Variants in TECTB observed in about 807,000 individuals in gnomAD.
TECTB encodes the protein tectorin beta.
In TECTB, 45 loss-of-function variants were observed where a neutral mutation model predicts 43.3. The ratio of observed to expected loss-of-function variants is 1.04; its 90% CI spans 0.82 to 1.33. TECTB has a LOEUF of 1.33. Among genes scored for constraint, TECTB ranks in the 40% most tolerant of loss-of-function variants. The pLI, the probability that TECTB is intolerant of heterozygous loss-of-function variation, is 0.00. For missense variants in TECTB, 399 were observed against 404.7 expected (o/e 0.99, Z 0.12); for synonymous variants, 169 against 156.7 (o/e 1.08, Z -0.59).
intron 9 of TECTB, 93 bp from the exon 10 acceptor site, chr10:112,302,008 G>A (rs1848616265): frequency 2.0e-6 from 3 of 1,476,608 alleles, no homozygotes; most frequent in Non-Finnish European, 2.8e-6. Flanking sequence ...GCAGCCCCCA[G>A]CCAGGTTTTG....
intron 7 of TECTB, 148 bp downstream of exon 7, chr10:112,294,209 A>C: frequency 2.9e-6 from 2 of 681,338 alleles, no homozygotes; most frequent in East Asian, 2.7e-5. Context: ...GGCAAAGAAC[A>C]AATACTAAGA....
chr10:112,295,974 G>A (rs1848543194), intron 7 of TECTB, among the ~76,000 whole-genome samples: 1 of 152,180 alleles, frequency 6.6e-6, no homozygotes, highest in Admixed American at 6.5e-5. Context: ...GGACTCTGGG[G>A]AAACCCACGG....
Position 112,283,438 on chromosome 10 carries a change from G to A in TECTB, c.-146G>A, listed in dbSNP as rs569361526. On this transcript the variant is annotated 5_prime_UTR_variant, in exon 1 of 11. Coordinates refer to ENST00000646139, the MANE Select transcript of TECTB (RefSeq NM_058222.3). ...ATCCAGCAGCCAGCCTCTACAGTCC[G>A]GAGAGGATGAAACAGTCGGGAACAT... 9.2e-5 allele frequency: 34 copies of A among 369,096 alleles called. 1 individual carries two copies. Among genetic ancestry groups the A allele is most frequent in the East Asian group, 6.5e-4 (13 of 19,904 alleles). The allele number at this position is 369,096 out of a possible 1,614,324, so 22.9% of individuals were successfully genotyped here.
intron 5 of TECTB, among the ~76,000 whole-genome samples, chr10:112,292,009 A>G (rs1308849063): frequency 6.6e-6 from 1 of 151,962 alleles, no homozygotes; most frequent in Non-Finnish European, 1.5e-5. Flanking sequence ...GGTGGCAGGC[A>G]CCTGTAGTCG....
intron 1 of TECTB, 62 bp from the exon 2 acceptor site, chr10:112,283,586 G>A (rs1220882205): frequency 5.8e-6 from 4 of 684,140 alleles, no homozygotes; most frequent in African/African-American, 5.5e-5. Context: ...ATTTCCCCAA[G>A]ACTGTATGTG....
intron 2 of TECTB, 54 bp from the exon 3 acceptor site, chr10:112,284,481 T>C (rs1589635257): frequency 1.4e-6 from 2 of 1,471,296 alleles, no homozygotes; most frequent in East Asian, 2.5e-5. Flanking sequence ...GTTCGTTACG[T>C]AGGTTAGCAT....
intron 5 of TECTB, among the ~76,000 whole-genome samples, chr10:112,290,931 C>T (rs886112911): frequency 1.3e-5 from 2 of 152,134 alleles, no homozygotes; most frequent in Non-Finnish European, 2.9e-5. Context: ...GATTCTGAGT[C>T]GTCTCAACAA....
rs1848627433 is a variant in TECTB, at chr10:112,303,266, T to C, written c.944T>C (p.Val315Ala). 1.2e-6 allele frequency: 2 copies of C among 1,614,048 alleles called. No homozygotes were observed. Among genetic ancestry groups the C allele is most frequent in the African/African-American group, 1.3e-5 (1 of 74,914 alleles). Residue 315 changes from valine (V) to alanine (A), a missense_variant, in exon 11 of 11, where the codon GTT (valine) becomes GCT (alanine). Transcript: ENST00000646139. ...TCCCTCCCCTTCTGGTCCACAGATG[T>C]TCTCCACCACCTCATCATGATGTTG... ...GFSSLYSFSDVLHHLIMMLGI... is the reference protein window; with the variant it reads ...GFSSLYSFSDALHHLIMMLGI...
intron 7 of TECTB, 117 bp from the exon 8 acceptor site, chr10:112,297,952 C>A: frequency 7.3e-7 from 1 of 1,368,492 alleles, no homozygotes; most frequent in Non-Finnish European, 1.0e-6. Flanking sequence ...AATCAAAATG[C>A]CTGGGAAGGT....
At chr10:112,291,790 C>G (rs1811773984) in intron 5 of TECTB, among the ~76,000 whole-genome samples, 1 of 152,210 alleles carries the variant, frequency 6.6e-6, no homozygotes. Context: ...GCGGTGGAAG[C>G]TCGGGTTAGC....
chr10:112,292,382 T>A (rs537121141), intron 5 of TECTB, among the ~76,000 whole-genome samples: 1 of 152,188 alleles, frequency 6.6e-6, no homozygotes, highest in South Asian at 2.1e-4. Flanking sequence ...TGGTGTTGAC[T>A]CCTTGCTGCC....
At position 112,283,497 on chromosome 10, in the gene TECTB, G is replaced by A; in HGVS notation, c.-88+1G>A. On this transcript the variant is annotated splice_donor_variant, in intron 1 of 10. Transcript: ENST00000646139. LOFTEE classifies it low-confidence loss of function (5UTR_SPLICE). ...CCATGTGTCATTGACGCTTCCAACG[G>A]TATGAGCCCCACTTTTTGCCTCTCA... 1.9e-6 allele frequency: 1 copy of A among 534,848 alleles called. No homozygotes were observed. The highest frequency in any genetic ancestry group is 3.3e-6 in the Non-Finnish European group (1 of 301,774). 33.1% of individuals were successfully genotyped at this position (534,848 alleles called of 1,614,324 possible).
Position 112,286,044 on chromosome 10 carries a change from T to C in TECTB, c.268-27T>C, listed in dbSNP as rs748030223. On this transcript the variant is annotated intron_variant, in intron 3 of 10. Coordinates refer to ENST00000646139, the MANE Select transcript of TECTB (RefSeq NM_058222.3). ...TTCCCATCGCGGGGAAACAGATTCA[T>C]CCTGACTGTCTCCTTTCTTTGTCCA... 3.5e-5 allele frequency: 56 copies of C among 1,613,614 alleles called. 1 individual carries two copies. In the South Asian group the frequency reaches 6.0e-4, roughly 17 times the overall value.
At chr10:112,296,279 A>G (rs571481360) in intron 7 of TECTB, among the ~76,000 whole-genome samples, 1 of 152,288 alleles carries the variant, frequency 6.6e-6, no homozygotes, top group South Asian at 2.1e-4. Context: ...TCAAAGAGCA[A>G]TCTGACATGG....
intron 7 of TECTB, among the ~76,000 whole-genome samples, 158 bp downstream of exon 7, chr10:112,294,219 A>C (rs1003666843): frequency 1.3e-5 from 2 of 152,180 alleles, no homozygotes; most frequent in African/African-American, 2.4e-5. Context: ...AAATACTAAG[A>C]AACAGGACAT....
Position 112,304,870 on chromosome 10 carries a change from T to C in TECTB, c.*1558T>C, listed in dbSNP as rs1848639964. On this transcript the variant is annotated 3_prime_UTR_variant, in exon 11 of 11. Coordinates refer to ENST00000646139, the MANE Select transcript of TECTB (RefSeq NM_058222.3). ...AGGAAAAACAGAAGACATATTTTAT[T>C]GGTTCTAGTAGAAAACTCTTAAATA... The C allele has an allele frequency of 6.6e-6, 1 of 152,216 alleles. No homozygotes were observed. Among genetic ancestry groups the C allele is most frequent in the East Asian group, 1.9e-4 (1 of 5,202 alleles). The allele number at this position is 152,216 out of a possible 1,614,324, so 9.4% of individuals were successfully genotyped here.
intron 5 of TECTB, among the ~76,000 whole-genome samples, chr10:112,292,366 ACAT>A (rs1848506399): frequency 6.6e-6 from 1 of 152,172 alleles, no homozygotes; most frequent in African/African-American, 2.4e-5. Flanking sequence ...TACTGTGCTC[ACAT>A]CGTGGTGTTG....
At chr10:112,301,579 T>C (rs748626064) in intron 9 of TECTB, among the ~76,000 whole-genome samples, 1 of 152,106 alleles carries the variant, frequency 6.6e-6, no homozygotes, top group Non-Finnish European at 1.5e-5. Context: ...CAAAATGTAC[T>C]ATTTACTTTT....
At chr10:112,301,575 G>A (rs910092807) in intron 9 of TECTB, among the ~76,000 whole-genome samples, 1 of 152,086 alleles carries the variant, frequency 6.6e-6, no homozygotes, top group South Asian at 2.1e-4. Context: ...CTGACAAAAT[G>A]TACTATTTAC....
Sources: allele counts gnomAD v4.1 joint callset (sites outside exome capture counted in the v4.1 genomes callset), GRCh38; gene constraint gnomAD v4.1.1; transcripts MANE v1.5; gene names NCBI Gene and HGNC (gene_info 2026-07-23, HGNC 2026-07-21).